The following SYNPR variants were observed in gnomAD, a reference collection of about 807,000 sequenced individuals.
SYNPR encodes synaptoporin.
Under a neutral mutation model 32.9 loss-of-function variants are expected in SYNPR, and 23 were observed. That is an observed-to-expected ratio of 0.70 (90% CI 0.50 to 0.99). The LOEUF (loss-of-function observed/expected upper bound fraction) is 0.99, where lower values mean the gene tolerates loss of function less well. Among genes scored for constraint, SYNPR ranks in the 50% least tolerant of loss-of-function variants. The pLI, the probability that SYNPR is intolerant of heterozygous loss-of-function variation, is 0.00. For missense variants in SYNPR, 318 were observed against 349.3 expected, an observed-to-expected ratio of 0.91 and a Z score of 0.71; for synonymous variants, 146 against 135.9, an observed-to-expected ratio of 1.07 and a Z score of -0.52.
chr3:63,279,578 A>G (rs2086609262), intron 2 of SYNPR, among the ~76,000 whole-genome samples: 1 of 152,200 alleles, frequency 6.6e-6, no homozygotes, highest in African/African-American at 2.4e-5. Context: ...GGTTATTCAG[A>G]ATGAAATCTG....
intron 3 of SYNPR, among the ~76,000 whole-genome samples, chr3:63,553,294 T>C (rs920159191): frequency 6.6e-6 from 1 of 152,260 alleles, no homozygotes; most frequent in African/African-American, 2.4e-5. Flanking sequence ...AGCTACATAG[T>C]ATTCCGTGGG....
the SYNPR span, among the ~76,000 whole-genome samples, chr3:63,209,138 G>GAA: frequency 6.6e-6 from 1 of 152,126 alleles, no homozygotes; most frequent in Non-Finnish European, 1.5e-5. Context: ...CTAACACAGT[G>GAA]AAACCCCGTC....
intron 2 of SYNPR, among the ~76,000 whole-genome samples, chr3:63,316,219 G>T (rs1335413641): frequency 2.0e-5 from 3 of 151,906 alleles, no homozygotes; most frequent in South Asian, 2.1e-4. Flanking sequence ...CCCTTTCCTG[G>T]TTTGGGTATT....
chr3:63,432,318 C>T (rs1489339671), intron 2 of SYNPR, among the ~76,000 whole-genome samples: 1 of 152,082 alleles, frequency 6.6e-6, no homozygotes, highest in Non-Finnish European at 1.5e-5. Flanking sequence ...GGAGAGGCAA[C>T]CCCAAGACAG....
chr3:63,360,270 T>G (rs542123802), intron 2 of SYNPR, among the ~76,000 whole-genome samples: 1 of 152,308 alleles, frequency 6.6e-6, no homozygotes, highest in South Asian at 2.1e-4. Flanking sequence ...CAGCAAATTC[T>G]TCCCATGATC....
intron 2 of SYNPR, among the ~76,000 whole-genome samples, chr3:63,453,431 T>A (rs1403134239): frequency 6.6e-6 from 1 of 152,066 alleles, no homozygotes; most frequent in African/African-American, 2.4e-5. Context: ...AAAATGATGT[T>A]CAGATTAAAA....
intron 4 of SYNPR, among the ~76,000 whole-genome samples, chr3:63,592,125 CAGCAG>C (rs1171860928): frequency 6.6e-6 from 1 of 151,936 alleles, no homozygotes; most frequent in Non-Finnish European, 1.5e-5. Flanking sequence ...ACGTGAAGAC[CAGCAG>C]AGACTGGAGC....
intron 2 of SYNPR, among the ~76,000 whole-genome samples, chr3:63,261,637 A>C (rs2086438987): frequency 6.8e-6 from 1 of 147,344 alleles, no homozygotes; most frequent in Non-Finnish European, 1.5e-5. Context: ...TAATGGGTGC[A>C]GCACACCAGC....
At chr3:63,247,767 C>G (rs2106886418) in intron 1 of SYNPR, among the ~76,000 whole-genome samples, 1 of 152,244 alleles carries the variant, frequency 6.6e-6, no homozygotes, top group Middle Eastern at 3.4e-3. Flanking sequence ...TACCCGCTCT[C>G]TCAGCGAGTC....
chr3:63,276,272 A>C (rs929287538), upstream of SYNPR, among the ~76,000 whole-genome samples: 1 of 152,230 alleles, frequency 6.6e-6, no homozygotes, highest in East Asian at 1.9e-4. Flanking sequence ...TGCTGGGTCC[A>C]AAAGGGCAAG....
chr3:63,350,726 T>G (rs537559617), intron 2 of SYNPR, among the ~76,000 whole-genome samples: 5 of 152,334 alleles, frequency 3.3e-5, no homozygotes, highest in Admixed American at 2.6e-4. Context: ...TTGCACTTGC[T>G]ATGGACACCA....
rs1249833024 is a variant in SYNPR at position 63,595,745 on chromosome 3, A to AC, written c.409-13380_409-13379insC. On this transcript the variant is annotated intron_variant, in intron 4 of 5. Transcript: ENST00000478300. ...TATATATATATATATATATATATAT[A>AC]TATATATATATATATATATATATAA... Among the ~76,000 whole-genome samples, 18 of 41,936 alleles carry AC rather than the reference A, an allele frequency of 4.3e-4. 1 individual carries two copies. The highest frequency in any genetic ancestry group is 2.5e-3 in the Admixed American group (7 of 2,808). The allele number at this position is 41,936 out of a possible 152,430, so 27.5% of individuals were successfully genotyped here. A position where few individuals can be genotyped will look rare whatever the true frequency, so the allele number is the denominator to read the frequency against.
intron 1 of SYNPR, among the ~76,000 whole-genome samples, chr3:63,239,290 G>C (rs2086220757): frequency 1.5e-5 from 1 of 67,804 alleles, no homozygotes; most frequent in African/African-American, 5.6e-5. Flanking sequence ...AGTGTGTCAT[G>C]CACCCATACT....
intron 2 of SYNPR, among the ~76,000 whole-genome samples, chr3:63,464,294 A>G (rs1700639356): frequency 6.6e-6 from 1 of 152,186 alleles, no homozygotes; most frequent in Admixed American, 6.5e-5. Context: ...AATTTAATTT[A>G]CAAACACTCC....
chr3:63,245,698 AGAGAGAGAGAGAGT>A (rs1164976082), intron 1 of SYNPR, among the ~76,000 whole-genome samples: 4 of 75,386 alleles, frequency 5.3e-5, no homozygotes, highest in African/African-American at 3.1e-4. Context: ...AGAGAGAGAG[AGAGAGAGAGAGAGT>A]GTGTGTGTGT....
intron 2 of SYNPR, among the ~76,000 whole-genome samples, chr3:63,259,713 G>A (rs1239385267): frequency 6.6e-6 from 1 of 152,198 alleles, no homozygotes; most frequent in Admixed American, 6.5e-5. Context: ...AGTGTTGGAA[G>A]TTCTGGCCAG....
intron 2 of SYNPR, among the ~76,000 whole-genome samples, chr3:63,474,235 T>C (rs920915233): frequency 1.3e-4 from 20 of 152,160 alleles, no homozygotes; most frequent in African/African-American, 4.6e-4. Context: ...TGCCAGGGAA[T>C]TAGCTCCTGG....
intron 2 of SYNPR, among the ~76,000 whole-genome samples, chr3:63,311,916 C>T (rs1402146422): frequency 1.3e-5 from 2 of 151,622 alleles, no homozygotes; most frequent in Admixed American, 6.6e-5. Flanking sequence ...TAAGACATAC[C>T]CATCCTTGTA....
intron 2 of SYNPR, among the ~76,000 whole-genome samples, chr3:63,358,939 T>C (rs1219732429): frequency 1.3e-5 from 2 of 152,192 alleles, no homozygotes; most frequent in Admixed American, 1.3e-4. Flanking sequence ...ATCCGCCTCT[T>C]CCACTTTAAA....
Sources: allele counts gnomAD v4.1 joint callset (sites outside exome capture counted in the v4.1 genomes callset), GRCh38; gene constraint gnomAD v4.1.1; transcripts MANE v1.5; gene names NCBI Gene and HGNC (gene_info 2026-07-23, HGNC 2026-07-21).